FBH1: variants seen among roughly 807,000 people sequenced by gnomAD.
FBH1 encodes the protein DNA 3'-5' helicase 1.
In FBH1, 43 loss-of-function variants were observed where a neutral mutation model predicts 115.5. The ratio of observed to expected loss-of-function variants is 0.37; its 90% confidence interval spans 0.29 to 0.48. The LOEUF (loss-of-function observed/expected upper bound fraction) is 0.48, where lower values mean the gene tolerates loss of function less well. Ranked by LOEUF, FBH1 falls within the 20% of genes least tolerant of loss-of-function variation. The pLI is 0.99. For missense variants in FBH1, 1,001 were observed against 1,337.3 expected, an observed-to-expected ratio of 0.75 and a Z score of 3.92; for synonymous variants, 524 against 507.8, an observed-to-expected ratio of 1.03 and a Z score of -0.43.
chr10:5,927,289 G>A (rs897275247), intron 18 of FBH1, 146 bp from the exon 19 acceptor site: 3 of 584,016 alleles, frequency 5.1e-6, no homozygotes, highest in Non-Finnish European at 8.8e-6. Context: ...GCATTTGTAG[G>A]AAAATTTTGT....
Position 5,910,832 on chromosome 10 carries a change from C to T in FBH1, c.1021-106C>T. 1.1e-6 allele frequency: 1 copy of T among 942,258 alleles called. No homozygotes were observed. Among genetic ancestry groups the T allele is most frequent in the Non-Finnish European group, 1.6e-6 (1 of 637,302 alleles). 58.4% of individuals were successfully genotyped at this position (942,258 alleles called of 1,614,324 possible). A position where few individuals can be genotyped will look rare whatever the true frequency, so the allele number is the denominator to read the frequency against. On this transcript the variant is annotated intron_variant, in intron 5 of 20. Transcript: ENST00000362091. This position sits in a 1 kb window ranked among gnomAD's most constrained non-coding sequence, Gnocchi z 4.8. ...TGGATTCAGTCCAGACAGTCTGTAGCCAGCAGCTGGACCCGTGGCTCGGCT... is the reference window on the plus strand; with the variant it reads ...TGGATTCAGTCCAGACAGTCTGTAGTCAGCAGCTGGACCCGTGGCTCGGCT...
rs187849129 is a variant in FBH1 at position 5,918,762 on chromosome 10, G to C, written c.2100+284G>C. Among the ~76,000 whole-genome samples the C allele has an allele frequency of 2.2e-3, 340 of 152,344 alleles. 1 individual carries two copies. Among genetic ancestry groups the C allele is most frequent in the African/African-American group, 7.9e-3 (329 of 41,576 alleles). ...TTAGAACAGTTGTTAGACCAGCGCT[G>C]GTTGTTCAGACTTGTGTATTTGGCA... On this transcript the variant is annotated intron_variant, in intron 13 of 20. Coordinates refer to ENST00000362091, the MANE Select transcript of FBH1 (RefSeq NM_178150.3). The surrounding 1 kb of genome is among the most constrained non-coding windows in gnomAD (Gnocchi z 4.0).
rs747387980 is a variant in FBH1 at position 5,906,469 on chromosome 10, A to G, written c.590A>G (p.Tyr197Cys). Residue 197 changes from tyrosine (Y) to cysteine (C), a missense_variant, in exon 3 of 21, where the codon TAT becomes TGT. Coordinates refer to ENST00000362091, the MANE Select transcript of FBH1 (RefSeq NM_178150.3). This position sits in a 1 kb window ranked among gnomAD's most constrained non-coding sequence, Gnocchi z 7.3. ...CCTGATCCCATTCCTGACTCATACTATGGGCTTCTTGGGACCTTGCCCTGC... is the reference window on the plus strand; with the variant it reads ...CCTGATCCCATTCCTGACTCATACTGTGGGCTTCTTGGGACCTTGCCCTGC... ...VGPDPIPDSY[Y>C]GLLGTLPCQE... 11 of 1,613,900 alleles carry G rather than the reference A, an allele frequency of 6.8e-6. No individual in the cohort carries two copies. Among genetic ancestry groups the G allele is most frequent in the Admixed American group, 1.7e-5 (1 of 59,984 alleles).
Position 5,925,889 on chromosome 10 carries a change from G to T in FBH1, c.2722+397G>T, listed in dbSNP as rs912109773. Among the ~76,000 whole-genome samples the T allele has an allele frequency of 1.3e-5, 2 of 152,108 alleles. No individual in the cohort carries two copies. Among genetic ancestry groups the T allele is most frequent in the Non-Finnish European group, 2.9e-5 (2 of 68,030 alleles). On this transcript the variant is annotated intron_variant, in intron 18 of 20. Coordinates refer to ENST00000362091, the MANE Select transcript of FBH1 (RefSeq NM_178150.3). The surrounding 1 kb of genome is among the most constrained non-coding windows in gnomAD (Gnocchi z 4.6). The stretch of plus-strand genomic sequence containing the variant: ...TAATTCCTCTTCATTTTATTAAAGA[G>T]AGAAGAAAACCACAAAAGGAGAAAT...
chr10:5,912,641 C>T (rs1202285212), intron 6 of FBH1, among the ~76,000 whole-genome samples: 1 of 152,166 alleles, frequency 6.6e-6, no homozygotes, highest in Non-Finnish European at 1.5e-5. Context: ...ACAGGATTCC[C>T]CAGAAATGTC....
Position 5,895,260 on chromosome 10 carries a change from T to C in FBH1, c.1+4914T>C. 6.7e-7 allele frequency: 1 copy of C among 1,499,502 alleles called. No homozygotes were observed. The highest frequency in any genetic ancestry group is 9.0e-7 in the Non-Finnish European group (1 of 1,111,010). 92.9% of individuals were successfully genotyped at this position (1,499,502 alleles called of 1,614,324 possible). A position where few individuals can be genotyped will look rare whatever the true frequency, so the allele number is the denominator to read the frequency against. On this transcript the variant is annotated intron_variant, in intron 1 of 20. Transcript: ENST00000362091. This position sits in a 1 kb window ranked among gnomAD's most constrained non-coding sequence, Gnocchi z 5.0. ...ATTGTCCAGATTAGCAAAACTGCCC[T>C]CTGTGGATCTTTGTTAAAGTTGGGT...
chr10:5,908,909 T>C lies in FBH1; in HGVS notation c.754-16T>C, dbSNP rs774525135. 6.2e-7 allele frequency: 1 copy of C among 1,613,438 alleles called. No homozygotes were observed. The highest frequency in any genetic ancestry group is 1.1e-5 in the South Asian group (1 of 91,078). ...CCTTTGCCTCATGTTATTTTGTTTG[T>C]TTTTTAACTGCATAGTTCATTCCTT... On this transcript the variant is annotated splice_polypyrimidine_tract_variant and intron_variant, in intron 3 of 20. Transcript: ENST00000362091.
At position 5,918,397 on chromosome 10, in the gene FBH1, G is replaced by T; in HGVS notation, c.2019G>T (p.Pro673=). 1 of 1,613,370 alleles carries T rather than the reference G, an allele frequency of 6.2e-7. No individual in the cohort carries two copies. Among genetic ancestry groups the T allele is most frequent in the Non-Finnish European group, 8.5e-7 (1 of 1,179,758 alleles). Residue 673 remains proline, a synonymous_variant, in exon 13 of 21, where the codon CCG becomes CCT. Transcript: ENST00000362091. This position sits in a 1 kb window ranked among gnomAD's most constrained non-coding sequence, Gnocchi z 4.0. ...QPCGKIFVGD[P]HQQIYTFRGA... is the part of the protein sequence containing the mutation. ...GTGGGAAAATCTTTGTAGGGGACCC[G>T]CACCAGCAGATCTATACCTTCCGGG...
In FBH1 at chr10:5,918,544, T is replaced by C; in HGVS notation, c.2100+66T>C. ...CCAATGTCTTACGTGCCAGGCCCTG[T>C]GAAAGGTGGTATGCCAGGCTCACCA... On this transcript the variant is annotated intron_variant, in intron 13 of 20. Transcript: ENST00000362091. The surrounding 1 kb of genome is among the most constrained non-coding windows in gnomAD (Gnocchi z 4.0). The C allele has an allele frequency of 6.8e-7, 1 of 1,471,886 alleles. No individual in the cohort carries two copies. Among genetic ancestry groups the C allele is most frequent in the Non-Finnish European group, 9.0e-7 (1 of 1,114,888 alleles). The allele number at this position is 1,471,886 out of a possible 1,614,324, so 91.2% of individuals were successfully genotyped here.
intron 1 of FBH1, among the ~76,000 whole-genome samples, chr10:5,898,428 T>C (rs762403225): frequency 3.3e-5 from 5 of 152,038 alleles, no homozygotes; most frequent in African/African-American, 4.8e-5. Context: ...TTTTTTCTTT[T>C]GAGACACAAT....
chr10:5,936,689 G>C lies in FBH1; in HGVS notation c.2961+102G>C. On this transcript the variant is annotated intron_variant, in intron 20 of 20. Transcript: ENST00000362091. The surrounding 1 kb of genome is among the most constrained non-coding windows in gnomAD (Gnocchi z 5.6). ...AGGTGAGGAGATAAGAGAGAGCTGT[G>C]TGATCCTTTATTAGGGGCTTTTCAT... The C allele has an allele frequency of 6.8e-7, 1 of 1,462,402 alleles. No individual in the cohort carries two copies. The highest frequency in any genetic ancestry group is 9.4e-7 in the Non-Finnish European group (1 of 1,062,492). The allele number at this position is 1,462,402 out of a possible 1,614,324, so 90.6% of individuals were successfully genotyped here. A position where few individuals can be genotyped will look rare whatever the true frequency, so the allele number is the denominator to read the frequency against.
chr10:5,893,674 C>A (rs1842859638), intron 1 of FBH1, among the ~76,000 whole-genome samples: 1 of 152,188 alleles, frequency 6.6e-6, no homozygotes, highest in Admixed American at 6.5e-5. Context: ...ACACTTCATG[C>A]ATGCATTTAT....
chr10:5,909,116 T>C lies in FBH1; in HGVS notation c.885-43T>C. ...GAAGTCTTCCTTGTACATCAGTGCT[T>C]ATGGTCACCCTACTCATGGCCTCTC... On this transcript the variant is annotated intron_variant, in intron 4 of 20. Coordinates refer to ENST00000362091, the MANE Select transcript of FBH1 (RefSeq NM_178150.3). The surrounding 1 kb of genome is among the most constrained non-coding windows in gnomAD (Gnocchi z 4.4). 6.2e-7 allele frequency: 1 copy of C among 1,613,480 alleles called. No individual in the cohort carries two copies. The highest frequency in any genetic ancestry group is 1.3e-5 in the African/African-American group (1 of 75,040).
chr10:5,896,094 T>C (rs1214204284), intron 1 of FBH1, among the ~76,000 whole-genome samples: 1 of 152,008 alleles, frequency 6.6e-6, no homozygotes, highest in African/African-American at 2.4e-5. Flanking sequence ...ACTGCAGGAG[T>C]GTCTCTTGTT....
chr10:5,937,087 C>T, intron 20 of FBH1, 23 bp from the exon 21 acceptor site: 1 of 1,569,720 alleles, frequency 6.4e-7, no homozygotes, highest in Non-Finnish European at 8.7e-7. Context: ...CCCCTTAGCT[C>T]TCTCTCTTGT....
chr10:5,921,709 G>A lies in FBH1; in HGVS notation c.2322+140G>A. On this transcript the variant is annotated intron_variant, in intron 15 of 20. Coordinates refer to ENST00000362091, the MANE Select transcript of FBH1 (RefSeq NM_178150.3). This position sits in a 1 kb window ranked among gnomAD's most constrained non-coding sequence, Gnocchi z 6.4. ...GACTCTTTCCACCAGGCTGCACCAT[G>A]AGTGGTCTCTATCCCAGGCCATTCT... 1 of 1,144,548 alleles carries A rather than the reference G, an allele frequency of 8.7e-7. No homozygotes were observed. The highest frequency in any genetic ancestry group is 1.2e-6 in the Non-Finnish European group (1 of 834,242). The allele number at this position is 1,144,548 out of a possible 1,614,324, so 70.9% of individuals were successfully genotyped here. A position where few individuals can be genotyped will look rare whatever the true frequency, so the allele number is the denominator to read the frequency against.
At chr10:5,891,029 G>A (rs559806285) in intron 1 of FBH1, 117 of 395,062 alleles carry the variant, frequency 3.0e-4, no homozygotes, top group Non-Finnish European at 3.9e-4. Flanking sequence ...TCTGTGGTCC[G>A]AAGACAACCC....
At chr10:5,898,284 G>T (rs61832956) in intron 1 of FBH1, among the ~76,000 whole-genome samples, 1 of 152,122 alleles carries the variant, frequency 6.6e-6, no homozygotes, top group Non-Finnish European at 1.5e-5. Context: ...GTTCATAGAC[G>T]GCACCTTCTC....
rs756350895 is a variant in FBH1, at chr10:5,911,012, C to T, written c.1095C>T (p.Leu365=). ...SSSVNDIQRL[L]FCLRRPSSTV... is the part of the protein sequence containing the mutation. ...GTGTGAATGACATCCAGCGACTGCT[C>T]TTCTGCCTCCGGAGACCCAGCTCCA... Residue 365 remains leucine, a synonymous_variant, in exon 6 of 21, where the codon CTC becomes CTT. Coordinates refer to ENST00000362091, the MANE Select transcript of FBH1 (RefSeq NM_178150.3). This position sits in a 1 kb window ranked among gnomAD's most constrained non-coding sequence, Gnocchi z 5.4. 6.8e-6 allele frequency: 11 copies of T among 1,612,778 alleles called. No homozygotes were observed. The highest frequency in any genetic ancestry group is 4.5e-5 in the East Asian group (2 of 44,892).
Sources: allele counts gnomAD v4.1 joint callset (sites outside exome capture counted in the v4.1 genomes callset), GRCh38; gene constraint gnomAD v4.1.1; non-coding constraint Gnocchi (gnomAD v3.1); transcripts MANE v1.5; gene names NCBI Gene and HGNC (gene_info 2026-07-23, HGNC 2026-07-21).